The following COX7B2 variants were observed in gnomAD, a reference collection of about 807,000 sequenced individuals.
COX7B2 encodes cytochrome c oxidase subunit 7B2, also known as cytochrome c oxidase subunit 7B2, mitochondrial.
For missense variants in COX7B2, 109 were observed against 95.9 expected, an observed-to-expected ratio of 1.14 and a Z score of -0.57; for synonymous variants, 37 against 32.1, an observed-to-expected ratio of 1.15 and a Z score of -0.51.
At chr4:46,850,975 G>A (rs1716637557) in intron 1 of COX7B2, among the ~76,000 whole-genome samples, 1 of 152,006 alleles carries the variant, frequency 6.6e-6, no homozygotes, top group African/African-American at 2.4e-5. Flanking sequence ...CCTTCTCTTC[G>A]GATGTGAACT....
At chr4:46,801,041 C>G (rs987550792) in intron 2 of COX7B2, among the ~76,000 whole-genome samples, 15 of 152,028 alleles carry the variant, frequency 9.9e-5, no homozygotes, top group Non-Finnish European at 2.1e-4. Context: ...CAATAAGATA[C>G]CATCTCACAC....
At chr4:46,907,214 T>C (rs960038192) in intron 1 of COX7B2, among the ~76,000 whole-genome samples, 1 of 152,182 alleles carries the variant, frequency 6.6e-6, no homozygotes, top group South Asian at 2.1e-4. Context: ...TTAGATCCTC[T>C]TGAATCTCTA....
intron 2 of COX7B2, among the ~76,000 whole-genome samples, chr4:46,789,364 G>A (rs958581779): frequency 6.6e-6 from 1 of 152,096 alleles, no homozygotes; most frequent in African/African-American, 2.4e-5. Context: ...AACTTGTTAT[G>A]TTAGTTCTGG....
At chr4:46,871,200 C>G (rs900965856) in intron 1 of COX7B2, among the ~76,000 whole-genome samples, 2 of 152,180 alleles carry the variant, frequency 1.3e-5, no homozygotes, top group South Asian at 4.2e-4. Flanking sequence ...GCACCAATAA[C>G]CATATGATCT....
intron 2 of COX7B2, among the ~76,000 whole-genome samples, chr4:46,761,276 A>G (rs947303618): frequency 7.9e-5 from 12 of 152,194 alleles, no homozygotes; most frequent in Non-Finnish European, 4.4e-5. Flanking sequence ...CAGCAGAACC[A>G]GTAGCAGGGG....
intron 1 of COX7B2, among the ~76,000 whole-genome samples, chr4:46,884,334 T>G (rs1463540867): frequency 6.6e-6 from 1 of 152,160 alleles, no homozygotes; most frequent in Non-Finnish European, 1.5e-5. Context: ...TGAGATTACA[T>G]GCATGAGCCA....
chr4:46,842,125 T>A (rs556022172), intron 2 of COX7B2, among the ~76,000 whole-genome samples: 2 of 152,160 alleles, frequency 1.3e-5, no homozygotes, highest in Non-Finnish European at 2.9e-5. Context: ...TTGTCACTGC[T>A]ATTATCAGCT....
In COX7B2 at chr4:46,735,218, C is replaced by G. The variant is rs1435239441; in HGVS notation, c.-26G>C. The G allele has an allele frequency of 1.6e-5, 26 of 1,612,056 alleles. No homozygotes were observed. Among genetic ancestry groups the G allele is most frequent in the Non-Finnish European group, 2.2e-5 (26 of 1,179,466 alleles). The stretch of plus-strand genomic sequence containing the variant: ...GAAGGATTGCAGTTGCCTTCAGCTA[C>G]TGGTCTATTTTGTTGCAAAGAGGCT... On this transcript the variant is annotated 5_prime_UTR_variant, in exon 3 of 3. Coordinates refer to ENST00000355591, the MANE Select transcript of COX7B2 (RefSeq NM_130902.3).
chr4:46,763,654 A>G (rs1716354910), intron 2 of COX7B2, among the ~76,000 whole-genome samples: 1 of 152,160 alleles, frequency 6.6e-6, no homozygotes, highest in Non-Finnish European at 1.5e-5. Flanking sequence ...ACAAATGAAG[A>G]GATCCAGCAA....
intron 1 of COX7B2, among the ~76,000 whole-genome samples, chr4:46,897,844 A>T (rs2109887266): frequency 6.6e-6 from 1 of 152,292 alleles, no homozygotes; most frequent in Non-Finnish European, 1.5e-5. Flanking sequence ...AGTTAATGAG[A>T]ATTTATCAGA....
At chr4:46,819,230 C>A (rs1417145947) in intron 2 of COX7B2, among the ~76,000 whole-genome samples, 1 of 152,072 alleles carries the variant, frequency 6.6e-6, no homozygotes, top group Non-Finnish European at 1.5e-5. Flanking sequence ...GACTTCCCAA[C>A]CCACTCTCAT....
chr4:46,819,614 G>GC (rs1203700438), intron 2 of COX7B2, among the ~76,000 whole-genome samples: 1 of 152,080 alleles, frequency 6.6e-6, no homozygotes, highest in Non-Finnish European at 1.5e-5. Context: ...TTTGTGGTGG[G>GC]CCACATTCAA....
intron 1 of COX7B2, among the ~76,000 whole-genome samples, chr4:46,850,117 T>A (rs922163484): frequency 2.6e-5 from 4 of 151,954 alleles, no homozygotes; most frequent in African/African-American, 7.2e-5. Context: ...GGAAGATAGA[T>A]AAATTGATTT....
intron 2 of COX7B2, among the ~76,000 whole-genome samples, chr4:46,794,890 C>A (rs927310381): frequency 2.6e-5 from 4 of 152,140 alleles, no homozygotes; most frequent in Non-Finnish European, 5.9e-5. Flanking sequence ...GTCAAGTGAA[C>A]AAAACTTTAA....
intron 2 of COX7B2, among the ~76,000 whole-genome samples, chr4:46,769,853 A>T (rs1716771283): frequency 6.6e-6 from 1 of 152,212 alleles, no homozygotes; most frequent in South Asian, 2.1e-4. Context: ...TCGAAAAAAT[A>T]AAGACCATAT....
intron 2 of COX7B2, among the ~76,000 whole-genome samples, chr4:46,838,545 A>G (rs1715690519): frequency 1.3e-5 from 2 of 152,086 alleles, no homozygotes; most frequent in Non-Finnish European, 2.9e-5. Flanking sequence ...GTCATGCATC[A>G]AAGCATAACT....
intron 2 of COX7B2, among the ~76,000 whole-genome samples, chr4:46,763,110 A>AAT (rs1481670153): frequency 1.6e-5 from 2 of 127,680 alleles, no homozygotes; most frequent in Non-Finnish European, 3.2e-5. Context: ...TAAATTATAT[A>AAT]ATATATTACA....
chr4:46,871,997 G>GTC (rs1469358830), intron 1 of COX7B2, among the ~76,000 whole-genome samples: 1 of 152,102 alleles, frequency 6.6e-6, no homozygotes, highest in African/African-American at 2.4e-5. Flanking sequence ...CTATAAAACA[G>GTC]TCTACCATAA....
chr4:46,757,905 T>C (rs1715895859), intron 2 of COX7B2, among the ~76,000 whole-genome samples: 1 of 152,116 alleles, frequency 6.6e-6, no homozygotes, highest in South Asian at 2.1e-4. Flanking sequence ...AAAAGCCCAA[T>C]GTGACTGGGG....
Sources: gnomAD v4.1 joint callset for allele counts (sites outside exome capture counted in the v4.1 genomes callset) on GRCh38, gnomAD v4.1.1 for gene constraint, MANE v1.5 for transcripts, NCBI Gene and HGNC (gene_info 2026-07-23, HGNC 2026-07-21) for gene names.